The following R3HDM1 variants were observed in gnomAD, a reference collection of about 807,000 sequenced individuals.
R3HDM1 encodes R3H domain-containing protein 1.
A neutral mutation model predicts 141.1 loss-of-function variants in R3HDM1; 46 were observed. The ratio of observed to expected loss-of-function variants is 0.33; its 90% CI spans 0.26 to 0.42. The LOEUF (loss-of-function observed/expected upper bound fraction) is 0.42, where lower values mean the gene tolerates loss of function less well. Among genes scored for constraint, R3HDM1 ranks in the 10% least tolerant of loss-of-function variants. The pLI, the probability that R3HDM1 is intolerant of heterozygous loss-of-function variation, is 1.00. For synonymous variants in R3HDM1, 435 were observed against 472.9 expected, an observed-to-expected ratio of 0.92 and a Z score of 1.04; for missense variants, 1,184 against 1,368.3, an observed-to-expected ratio of 0.87 and a Z score of 2.12.
chr2:135,612,736 G>T (rs1045735975), intron 3 of R3HDM1, among the ~76,000 whole-genome samples: 1 of 152,164 alleles, frequency 6.6e-6, no homozygotes, highest in African/African-American at 2.4e-5. Flanking sequence ...AATTTTTGCT[G>T]TGACAGTGAA....
At chr2:135,698,147 T>C (rs1331702231) in intron 21 of R3HDM1, among the ~76,000 whole-genome samples, 1 of 151,234 alleles carries the variant, frequency 6.6e-6, no homozygotes, top group Admixed American at 6.6e-5. Flanking sequence ...CAGGGATACT[T>C]CTTTTTTTTC....
chr2:135,670,663 A>G (rs1398298729), intron 19 of R3HDM1, among the ~76,000 whole-genome samples: 4 of 152,200 alleles, frequency 2.6e-5, no homozygotes, highest in Non-Finnish European at 4.4e-5. Context: ...ATTTTCCCAT[A>G]TAGACTTTTT....
chr2:135,644,666 A>G, intron 15 of R3HDM1, among the ~76,000 whole-genome samples: 1 of 152,218 alleles, frequency 6.6e-6, no homozygotes. Context: ...ACCTCCTAAT[A>G]AAAACTAATG....
intron 1 of R3HDM1, among the ~76,000 whole-genome samples, chr2:135,579,697 G>A (rs970583111): frequency 2.0e-5 from 3 of 151,918 alleles, no homozygotes; most frequent in African/African-American, 4.8e-5. Context: ...TGCACTGAAA[G>A]GGCACAATTT....
intron 21 of R3HDM1, among the ~76,000 whole-genome samples, chr2:135,701,742 A>C (rs1423263073): frequency 6.6e-6 from 1 of 152,240 alleles, no homozygotes; most frequent in Non-Finnish European, 1.5e-5. Context: ...CATGCTACTC[A>C]TAATGACATG....
chr2:135,539,560 A>T (rs1364967657), intron 1 of R3HDM1, among the ~76,000 whole-genome samples: 1 of 152,190 alleles, frequency 6.6e-6, no homozygotes, highest in Non-Finnish European at 1.5e-5. Context: ...CACCTAGGAG[A>T]TACTGCGAGT....
At chr2:135,664,632 A>G (rs1481374887) in intron 19 of R3HDM1, among the ~76,000 whole-genome samples, 1 of 152,220 alleles carries the variant, frequency 6.6e-6, no homozygotes, top group Non-Finnish European at 1.5e-5. Context: ...AAAATGCTCT[A>G]GGTCTTTTAT....
At chr2:135,607,103 C>T in intron 3 of R3HDM1, 1 of 154,522 alleles carries the variant, frequency 6.5e-6, no homozygotes, top group South Asian at 2.1e-4. Flanking sequence ...ATTCTCCTGC[C>T]TCAGCCTCCC....
At chr2:135,659,027 C>G (rs980603977) in intron 18 of R3HDM1, among the ~76,000 whole-genome samples, 8 of 148,874 alleles carry the variant, frequency 5.4e-5, no homozygotes, top group African/African-American at 2.0e-4. Context: ...TCTGAAATAC[C>G]TCCTGAAAGA....
intron 1 of R3HDM1, among the ~76,000 whole-genome samples, chr2:135,577,868 G>C (rs1705852138): frequency 6.8e-6 from 1 of 147,522 alleles, no homozygotes. Flanking sequence ...AAGTGAAACA[G>C]CACTTAGACG....
At chr2:135,589,004 GATTTTGT>G (rs948385088) in intron 1 of R3HDM1, among the ~76,000 whole-genome samples, 3 of 152,032 alleles carry the variant, frequency 2.0e-5, no homozygotes, top group South Asian at 2.1e-4. Flanking sequence ...TTTTCCTCAA[GATTTTGT>G]ATTTTGTATC....
intron 1 of R3HDM1, among the ~76,000 whole-genome samples, chr2:135,543,485 G>A (rs1233399265): frequency 6.6e-6 from 1 of 151,452 alleles, no homozygotes; most frequent in African/African-American, 2.4e-5. Context: ...ATAGTTTAGG[G>A]TCAGGTTGCC....
chr2:135,546,133 C>T (rs1042928977), intron 1 of R3HDM1, among the ~76,000 whole-genome samples: 2 of 152,174 alleles, frequency 1.3e-5, no homozygotes, highest in African/African-American at 4.8e-5. Flanking sequence ...GTGACAAGAG[C>T]GCATTCCTAA....
At chr2:135,584,186 G>C (rs1340158965) in intron 1 of R3HDM1, 1 of 585,112 alleles carries the variant, frequency 1.7e-6, no homozygotes, top group Non-Finnish European at 2.2e-6. Context: ...ATATTAACCA[G>C]TTGTGGTGGC....
intron 23 of R3HDM1, among the ~76,000 whole-genome samples, chr2:135,711,066 CATT>C (rs948212939): frequency 2.6e-5 from 4 of 152,188 alleles, no homozygotes; most frequent in African/African-American, 9.7e-5. Flanking sequence ...GCCAGCCAAA[CATT>C]ATTTACCTCT....
chr2:135,579,362 G>A (rs948964704), intron 1 of R3HDM1, among the ~76,000 whole-genome samples: 4 of 152,102 alleles, frequency 2.6e-5, no homozygotes, highest in Admixed American at 6.6e-5. Flanking sequence ...AAGATAGATG[G>A]GAGGGATAGG....
intron 20 of R3HDM1, among the ~76,000 whole-genome samples, chr2:135,678,009 A>G (rs1455876197): frequency 6.6e-6 from 1 of 151,976 alleles, no homozygotes; most frequent in Non-Finnish European, 1.5e-5. Flanking sequence ...CTGTCACCCA[A>G]GCCGGAGTGC....
intron 21 of R3HDM1, among the ~76,000 whole-genome samples, chr2:135,696,151 T>TA (rs1446251173): frequency 3.3e-5 from 5 of 151,762 alleles, no homozygotes; most frequent in African/African-American, 7.3e-5. Flanking sequence ...TACTTAGCAA[T>TA]AAAAAAAGAT....
intron 21 of R3HDM1, among the ~76,000 whole-genome samples, chr2:135,687,933 T>C (rs1446945222): frequency 1.3e-5 from 2 of 152,236 alleles, no homozygotes; most frequent in Non-Finnish European, 2.9e-5. Flanking sequence ...TTCTCAGTAT[T>C]TGTAGACTTT....
Sources: gnomAD v4.1 joint callset for allele counts (sites outside exome capture counted in the v4.1 genomes callset) on GRCh38, gnomAD v4.1.1 for gene constraint, MANE v1.5 for transcripts, NCBI Gene and HGNC (gene_info 2026-07-23, HGNC 2026-07-21) for gene names.